TSHZ2: variants seen among roughly 807,000 people sequenced by gnomAD.
TSHZ2 encodes the protein teashirt zinc finger homeobox 2.
A neutral mutation model predicts 74.4 loss-of-function variants in TSHZ2; 21 were observed. That is an observed-to-expected ratio of 0.28 (90% CI 0.20 to 0.41). The LOEUF is 0.41. Among genes scored for constraint, TSHZ2 ranks in the 10% least tolerant of loss-of-function variants. The probability of loss-of-function intolerance (pLI) is 1.00; values close to 1 mark genes in which losing one functional copy is unlikely to be tolerated. For synonymous variants in TSHZ2, 540 were observed against 515.3 expected (o/e 1.05, Z -0.65); for missense variants, 1,244 against 1,293.5 (o/e 0.96, Z 0.59).
At chr20:53,185,237 A>G in intron 1 of TSHZ2, 1 of 991,412 alleles carries the variant, frequency 1.0e-6, no homozygotes, top group Non-Finnish European at 1.2e-6. Context: ...TGTTTCTCCA[A>G]CCCCTGTAGA....
intron 2 of TSHZ2, among the ~76,000 whole-genome samples, chr20:53,347,973 C>T (rs1297347479): frequency 6.6e-6 from 1 of 152,086 alleles, no homozygotes; most frequent in Non-Finnish European, 1.5e-5. Flanking sequence ...ACGTGGTAAC[C>T]CTACTCTTTC....
At chr20:53,238,743 T>G (rs915273950) in intron 1 of TSHZ2, among the ~76,000 whole-genome samples, 1 of 151,470 alleles carries the variant, frequency 6.6e-6, no homozygotes, top group African/African-American at 2.4e-5. Flanking sequence ...ATCTCTGTTC[T>G]GTTGTCTCCT....
Position 53,126,426 on chromosome 20 carries a change from G to A in TSHZ2, c.41-127073G>A, listed in dbSNP as rs561793991. On this transcript the variant is annotated intron_variant, in intron 1 of 2. Coordinates refer to ENST00000371497, the MANE Select transcript of TSHZ2 (RefSeq NM_173485.6). ...CCACTGACCTCATCCAGGAAAAATA[G>A]CTATTGTCACAGGACAGTGATGCTG... Among the ~76,000 whole-genome samples, 53 of 152,316 alleles carry A rather than the reference G, an allele frequency of 3.5e-4. 1 individual carries two copies. In the South Asian group the frequency reaches 0.01, roughly 30 times the overall value.
At chr20:53,471,301 G>C (rs559066918) in intron 2 of TSHZ2, among the ~76,000 whole-genome samples, 1 of 152,100 alleles carries the variant, frequency 6.6e-6, no homozygotes, top group South Asian at 2.1e-4. Context: ...CTTCAAATTA[G>C]TGTCTTTAGA....
At position 53,256,539 on chromosome 20, in the gene TSHZ2, T is replaced by C; in HGVS notation, c.3081T>C (p.Phe1027=). ...HSKSPEHHSQ[F]VTDVDEE ...AGTCACCCGAACACCATTCACAGTT[T>C]GTAACAGACGTGGATGAAGAATAGC... The change falls in exon 2 of 3, where the codon TTT becomes TTC. Residue 1027 remains phenylalanine, a synonymous_variant. Transcript: ENST00000371497. This position sits in a 1 kb window ranked among gnomAD's most constrained non-coding sequence, Gnocchi z 4.3. 6.3e-7 allele frequency: 1 copy of C among 1,597,346 alleles called. No homozygotes were observed. Among genetic ancestry groups the C allele is most frequent in the Non-Finnish European group, 8.6e-7 (1 of 1,168,798 alleles).
intron 1 of TSHZ2, among the ~76,000 whole-genome samples, chr20:53,041,315 C>A (rs1052374141): frequency 6.6e-6 from 1 of 152,226 alleles, no homozygotes; most frequent in Non-Finnish European, 1.5e-5. Flanking sequence ...ATTCTCAGGA[C>A]CTAGCAAGAT....
At position 53,030,032 on chromosome 20, in the gene TSHZ2, T is replaced by TA. The variant is rs1268401280; in HGVS notation, c.40+56700dup. On this transcript the variant is annotated intron_variant, in intron 1 of 2. Transcript: ENST00000371497. Reference sequence around the variant, plus strand: ...TTTAACATCTGTGACGCACCTACTATATGCCAGTTCCTTATATTTCGTCAT... The same window carrying TA: ...TTTAACATCTGTGACGCACCTACTATAATGCCAGTTCCTTATATTTCGTCAT... 2.6e-5 allele frequency among the ~76,000 whole-genome samples: 4 copies of TA among 152,172 alleles called. No individual in the cohort carries two copies. In the East Asian group the frequency reaches 7.7e-4, roughly 29 times the overall value.
At position 53,482,995 on chromosome 20, in the gene TSHZ2, C is replaced by A. The variant is rs200828855; in HGVS notation, c.*9-4149C>A. Among the ~76,000 whole-genome samples the A allele has an allele frequency of 2.0e-5, 3 of 152,254 alleles. No homozygotes were observed. The East Asian group carries it at 5.8e-4, about 29-fold the overall frequency. ...TCCAAGATTCAGATCTTCTCTTTAC[C>A]CTTCTTCAAGTGTAGGAACACTGAC... is the stretch of plus-strand genomic sequence containing the variant. On this transcript the variant is annotated intron_variant, in intron 2 of 2. Transcript: ENST00000371497.
chr20:53,176,878 G>C (rs1387697205), intron 1 of TSHZ2, among the ~76,000 whole-genome samples: 1 of 151,662 alleles, frequency 6.6e-6, no homozygotes, highest in Non-Finnish European at 1.5e-5. Context: ...GTAGAGATGG[G>C]GTTTCACTAT....
intron 1 of TSHZ2, among the ~76,000 whole-genome samples, chr20:53,091,882 A>G (rs1363931400): frequency 6.6e-6 from 1 of 152,130 alleles, no homozygotes; most frequent in Non-Finnish European, 1.5e-5. Context: ...TGTCTCTACT[A>G]AAAATAAAAA....
intron 1 of TSHZ2, among the ~76,000 whole-genome samples, chr20:53,013,006 TC>T (rs1982909930): frequency 1.3e-5 from 2 of 152,136 alleles, no homozygotes; most frequent in South Asian, 4.1e-4. Context: ...CCCTTTATGA[TC>T]TCAGAAAAAA....
chr20:53,227,865 T>C (rs1422184797), intron 1 of TSHZ2, among the ~76,000 whole-genome samples: 1 of 152,188 alleles, frequency 6.6e-6, no homozygotes. Context: ...TCCTCATTTT[T>C]CTTTCTTTCG....
intron 2 of TSHZ2, among the ~76,000 whole-genome samples, chr20:53,419,095 T>C (rs1983375848): frequency 1.3e-5 from 2 of 152,180 alleles, no homozygotes; most frequent in African/African-American, 4.8e-5. Flanking sequence ...TTGGCGCTAA[T>C]TGTTAGATCT....
chr20:53,176,029 C>A (rs1988329148), intron 1 of TSHZ2, among the ~76,000 whole-genome samples: 2 of 152,166 alleles, frequency 1.3e-5, no homozygotes, highest in South Asian at 4.2e-4. Flanking sequence ...TGTGCACACA[C>A]CCCTTTAATC....
chr20:53,093,228 A>T (rs975615159), intron 1 of TSHZ2, among the ~76,000 whole-genome samples: 2 of 152,184 alleles, frequency 1.3e-5, no homozygotes, highest in African/African-American at 4.8e-5. Flanking sequence ...TCAGTGATGA[A>T]CACAGACCTG....
chr20:53,437,596 G>T (rs1189389261), intron 2 of TSHZ2, among the ~76,000 whole-genome samples: 1 of 152,240 alleles, frequency 6.6e-6, no homozygotes, highest in Non-Finnish European at 1.5e-5. Context: ...GCTAGATCCA[G>T]TGCTTAAGTG....
intron 1 of TSHZ2, among the ~76,000 whole-genome samples, chr20:53,249,149 G>A (rs1990269027): frequency 6.6e-6 from 1 of 152,146 alleles, no homozygotes; most frequent in African/African-American, 2.4e-5. Flanking sequence ...CCGATACTCT[G>A]GTTTTATCAT....
intron 1 of TSHZ2, among the ~76,000 whole-genome samples, chr20:53,042,351 T>C (rs1013661726): frequency 1.3e-5 from 2 of 152,216 alleles, no homozygotes; most frequent in Non-Finnish European, 2.9e-5. Context: ...ATTTTGGCGT[T>C]ACTTTTTCTG....
rs1363938243 is a variant in TSHZ2 at position 53,246,037 on chromosome 20, TTTC to T, written c.41-7459_41-7457del. ...AGCTGTGCTTTTCTTTCTTTCTTTC[TTTC>T]TTTTTTTTTTTTTGTTTGAGACAGA... is the stretch of plus-strand genomic sequence containing the variant. On this transcript the variant is annotated intron_variant, in intron 1 of 2. Coordinates refer to ENST00000371497, the MANE Select transcript of TSHZ2 (RefSeq NM_173485.6). 7.5e-3 allele frequency among the ~76,000 whole-genome samples: 993 copies of T among 133,238 alleles called. 20 individuals are homozygous for T. Among genetic ancestry groups the T allele is most frequent in the African/African-American group, 0.028 (953 of 33,664 alleles). 87.4% of individuals were successfully genotyped at this position (133,238 alleles called of 152,430 possible).
Sources: allele counts gnomAD v4.1 joint callset (sites outside exome capture counted in the v4.1 genomes callset), GRCh38; gene constraint gnomAD v4.1.1; non-coding constraint Gnocchi (gnomAD v3.1); transcripts MANE v1.5; gene names NCBI Gene and HGNC (gene_info 2026-07-23, HGNC 2026-07-21).